Variants in SPRED2 observed in about 807,000 individuals in gnomAD.
The protein encoded by SPRED2 is sprouty related EVH1 domain containing 2.
A neutral mutation model predicts 43.0 loss-of-function variants in SPRED2; 47 were observed. The ratio of observed to expected loss-of-function variants is 1.09; its 90% CI spans 0.87 to 1.40. The LOEUF is 1.40. Among genes scored for constraint, SPRED2 ranks in the 40% most tolerant of loss-of-function variants. The pLI is 0.00. For missense variants in SPRED2, 561 were observed against 586.4 expected (o/e 0.96, Z 0.45); for synonymous variants, 225 against 225.7 (o/e 1.00, Z 0.03).
chr2:65,385,087 C>G (rs578257282), intron 1 of SPRED2, among the ~76,000 whole-genome samples: 1 of 151,234 alleles, frequency 6.6e-6, no homozygotes, highest in South Asian at 2.1e-4. Flanking sequence ...ATTCTCCTGT[C>G]TCAGCCTCCC....
intron 1 of SPRED2, among the ~76,000 whole-genome samples, chr2:65,354,525 G>A (rs867928136): frequency 6.6e-6 from 1 of 150,912 alleles, no homozygotes; most frequent in East Asian, 1.9e-4. Context: ...GAGTGATTTG[G>A]CTAGATTCTA....
At chr2:65,329,401 G>A (rs1316428129) in intron 4 of SPRED2, among the ~76,000 whole-genome samples, 1 of 152,192 alleles carries the variant, frequency 6.6e-6, no homozygotes, top group Non-Finnish European at 1.5e-5. Context: ...AGGTACTATT[G>A]TTAATAGGTC....
intron 4 of SPRED2, among the ~76,000 whole-genome samples, chr2:65,328,310 G>T (rs1403245019): frequency 6.6e-6 from 1 of 152,140 alleles, no homozygotes; most frequent in Non-Finnish European, 1.5e-5. Flanking sequence ...CAGCTTTTCT[G>T]CAATAAAAGG....
At chr2:65,315,335 G>C (rs559355007) in intron 5 of SPRED2, among the ~76,000 whole-genome samples, 17 of 152,302 alleles carry the variant, frequency 1.1e-4, no homozygotes, top group African/African-American at 4.1e-4. Flanking sequence ...ACAATCTACA[G>C]AGGGTGTCAG....
chr2:65,397,378 A>G (rs1186605884), intron 1 of SPRED2, among the ~76,000 whole-genome samples: 1 of 152,152 alleles, frequency 6.6e-6, no homozygotes, highest in Non-Finnish European at 1.5e-5. Flanking sequence ...AACTTTTCTC[A>G]CTGGCAACCA....
intron 1 of SPRED2, among the ~76,000 whole-genome samples, chr2:65,358,580 G>T (rs188194732): frequency 6.6e-6 from 1 of 152,318 alleles, no homozygotes; most frequent in East Asian, 1.9e-4. Flanking sequence ...TAAAAATAGG[G>T]AAAGACATTT....
Position 65,332,015 on chromosome 2 carries a change from G to A in SPRED2, c.410C>T (p.Ala137Val), listed in dbSNP as rs1673827121. 6.2e-7 allele frequency: 1 copy of A among 1,609,598 alleles called. No individual in the cohort carries two copies. The highest frequency in any genetic ancestry group is 8.5e-7 in the Non-Finnish European group (1 of 1,177,518). The change falls in exon 4 of 6, where the codon GCT (alanine) becomes GTT (valine). Residue 137 changes from alanine (A) to valine (V), a missense_variant. Physicochemically the swap from Ala to Val is moderately conservative, Grantham distance 64 (BLOSUM62 0). Around this residue, in one of 6 missense-constraint regions of SPRED2, gnomAD observed 305 missense variants for 282.4 expected, o/e 1.08. Coordinates refer to ENST00000356388, the MANE Select transcript of SPRED2 (RefSeq NM_181784.3). ...TTSSSTIHNE[A>V]ELGDDDVFTT... ...AAAAACGTCATCATCGCCAAGCTCA[G>A]CTTCATTATGGATGGTGGAAGATGA...
rs549776278 is a variant in SPRED2, at chr2:65,353,372, T to C, written c.27-8476A>G. 1.1e-4 allele frequency among the ~76,000 whole-genome samples: 16 copies of C among 152,318 alleles called. 1 individual carries two copies. In the South Asian group the frequency reaches 3.1e-3, roughly 30 times the overall value. On this transcript the variant is annotated intron_variant, in intron 1 of 5. Coordinates refer to ENST00000356388, the MANE Select transcript of SPRED2 (RefSeq NM_181784.3). ...CTACACTGAAGCATATAAATAAACCTCTCACCCACACACTATTTTCCAGTG... is the reference window on the plus strand; with the variant it reads ...CTACACTGAAGCATATAAATAAACCCCTCACCCACACACTATTTTCCAGTG...
In SPRED2 at chr2:65,312,004, G is replaced by T; in HGVS notation, c.*1497C>A. ...AAAGATCGTGGCGGGAAGAACAGCC[G>T]GCGTCCGCAAGCCTGTCCCCGGTGG... On this transcript the variant is annotated 3_prime_UTR_variant, in exon 6 of 6. Coordinates refer to ENST00000356388, the MANE Select transcript of SPRED2 (RefSeq NM_181784.3). 1.0e-6 allele frequency: 1 copy of T among 985,240 alleles called. No homozygotes were observed. The highest frequency in any genetic ancestry group is 1.2e-6 in the Non-Finnish European group (1 of 829,816). The allele number at this position is 985,240 out of a possible 1,614,324, so 61.0% of individuals were successfully genotyped here.
intron 4 of SPRED2, 57 bp from the exon 5 acceptor site, chr2:65,316,940 C>T: frequency 1.9e-6 from 3 of 1,568,606 alleles, no homozygotes; most frequent in Non-Finnish European, 2.6e-6. Flanking sequence ...AAACCCCACG[C>T]AGCAAACCCT....
At chr2:65,366,783 C>A in intron 1 of SPRED2, 1 of 1,334,730 alleles carries the variant, frequency 7.5e-7, no homozygotes, top group South Asian at 2.2e-5. Context: ...CCGGATGAGT[C>A]ATCCGAGGGT....
intron 4 of SPRED2, among the ~76,000 whole-genome samples, chr2:65,327,701 T>TTTTCTTTC (rs1553416554): frequency 6.7e-6 from 1 of 148,668 alleles, no homozygotes; most frequent in Non-Finnish European, 1.5e-5. Flanking sequence ...TTTGCTTTTC[T>TTTTCTTTC]TTTCTTTCTT....
chr2:65,362,264 T>C lies in SPRED2; in HGVS notation c.27-17368A>G, dbSNP rs193087999. Among the ~76,000 whole-genome samples, 156 of 150,664 alleles carry C rather than the reference T, an allele frequency of 1.0e-3. 1 individual carries two copies. Among genetic ancestry groups the C allele is most frequent in the African/African-American group, 3.3e-3 (137 of 41,192 alleles). ...TTGCTTTCTCTATGGTCATCATCTG[T>C]TTTTTTTTGTTTTTGTTTTTTTTGA... On this transcript the variant is annotated intron_variant, in intron 1 of 5. Coordinates refer to ENST00000356388, the MANE Select transcript of SPRED2 (RefSeq NM_181784.3).
intron 1 of SPRED2, chr2:65,373,915 C>T (rs149190745): frequency 6.6e-6 from 1 of 152,082 alleles, no homozygotes; most frequent in African/African-American, 2.4e-5. Context: ...TTTTTTTCTT[C>T]ATTACAAAAA....
At chr2:65,327,437 C>A (rs1673657986) in intron 4 of SPRED2, among the ~76,000 whole-genome samples, 4 of 152,180 alleles carry the variant, frequency 2.6e-5, no homozygotes, top group Admixed American at 2.6e-4. Flanking sequence ...CATTCCAAAG[C>A]TTTTATTTAG....
intron 1 of SPRED2, among the ~76,000 whole-genome samples, chr2:65,367,075 A>G (rs532619957): frequency 6.6e-6 from 1 of 152,160 alleles, no homozygotes; most frequent in Non-Finnish European, 1.5e-5. Context: ...CAAAGTTGAG[A>G]GCAAGGATCC....
At chr2:65,404,024 G>A (rs1222814665) in intron 1 of SPRED2, among the ~76,000 whole-genome samples, 1 of 152,096 alleles carries the variant, frequency 6.6e-6, no homozygotes, top group African/African-American at 2.4e-5. Context: ...GGCTAACATG[G>A]TGAAACCCCG....
At chr2:65,339,429 C>CA in intron 2 of SPRED2, among the ~76,000 whole-genome samples, 1 of 151,356 alleles carries the variant, frequency 6.6e-6, no homozygotes, top group Non-Finnish European at 1.5e-5. Context: ...ACCTTACCCC[C>CA]AACCCTGTGC....
intron 1 of SPRED2, among the ~76,000 whole-genome samples, chr2:65,401,977 G>A (rs1675912775): frequency 9.7e-6 from 1 of 103,528 alleles, no homozygotes; most frequent in Non-Finnish European, 2.3e-5. Flanking sequence ...ACACACACCT[G>A]TTAATTTGTC....
Sources: allele counts gnomAD v4.1 joint callset (sites outside exome capture counted in the v4.1 genomes callset), GRCh38; gene constraint gnomAD v4.1.1; regional missense constraint gnomAD v4.1.1; transcripts MANE v1.5; gene names NCBI Gene and HGNC (gene_info 2026-07-23, HGNC 2026-07-21).